MAPK4: variants seen among roughly 807,000 people sequenced by gnomAD.
MAPK4 encodes the protein mitogen-activated protein kinase 4.
Under a neutral mutation model 47.7 loss-of-function variants are expected in MAPK4, and 22 were observed. The ratio of observed to expected loss-of-function variants is 0.46; its 90% CI spans 0.33 to 0.66. The LOEUF (loss-of-function observed/expected upper bound fraction) is 0.66. MAPK4 is among the 30% of genes least tolerant of loss of function. The pLI is 0.02. For synonymous variants in MAPK4, 390 were observed against 365.7 expected, an observed-to-expected ratio of 1.07 and a Z score of -0.76; for missense variants, 736 against 831.7, an observed-to-expected ratio of 0.88 and a Z score of 1.42.
At chr18:50,669,632 G>C (rs951136115) in intron 2 of MAPK4, 2 of 152,256 alleles carry the variant, frequency 1.3e-5, no homozygotes, top group African/African-American at 2.4e-5. Flanking sequence ...GGCATTTACA[G>C]TAAAGCTAGC....
intron 1 of MAPK4, among the ~76,000 whole-genome samples, chr18:50,612,113 A>G (rs1376089834): frequency 1.3e-5 from 2 of 152,178 alleles, no homozygotes; most frequent in Non-Finnish European, 2.9e-5. Flanking sequence ...TTCTGACCTT[A>G]GATTAGTTTT....
intron 1 of MAPK4, among the ~76,000 whole-genome samples, chr18:50,611,673 G>T (rs1367547230): frequency 2.6e-5 from 4 of 152,206 alleles, no homozygotes; most frequent in Non-Finnish European, 5.9e-5. Flanking sequence ...GTCATTTAAT[G>T]ACGTAGCGTT....
intron 1 of MAPK4, among the ~76,000 whole-genome samples, chr18:50,606,322 GT>G: frequency 6.7e-6 from 1 of 148,930 alleles, no homozygotes; most frequent in Middle Eastern, 3.4e-3. Context: ...AAGCAGAGGA[GT>G]TGGGATTTTG....
intron 1 of MAPK4, among the ~76,000 whole-genome samples, chr18:50,650,885 G>A (rs2043041337): frequency 6.6e-6 from 1 of 152,218 alleles, no homozygotes; most frequent in Admixed American, 6.5e-5. Flanking sequence ...GGCCATGCAC[G>A]GGCCTTTGCT....
At chr18:50,716,805 A>G (rs1158224375) in intron 3 of MAPK4, among the ~76,000 whole-genome samples, 3 of 149,096 alleles carry the variant, frequency 2.0e-5, no homozygotes, top group African/African-American at 7.5e-5. Context: ...GCTTCTCCTC[A>G]GGGGCACCGT....
chr18:50,593,733 T>C (rs1176452881), intron 1 of MAPK4, among the ~76,000 whole-genome samples: 1 of 152,166 alleles, frequency 6.6e-6, no homozygotes, highest in Non-Finnish European at 1.5e-5. Context: ...GATTCTAAAA[T>C]TTGTATGAAC....
chr18:50,700,792 G>A (rs1324797102), intron 2 of MAPK4, among the ~76,000 whole-genome samples: 1 of 152,148 alleles, frequency 6.6e-6, no homozygotes, highest in Non-Finnish European at 1.5e-5. Context: ...GGGAGTTGGG[G>A]GTGGGGGACA....
chr18:50,679,005 G>T (rs2144308173), intron 2 of MAPK4, among the ~76,000 whole-genome samples: 1 of 152,294 alleles, frequency 6.6e-6, no homozygotes, highest in East Asian at 1.9e-4. Context: ...TAAGCTCGAT[G>T]AAGCCATTGT....
chr18:50,646,471 G>A (rs1338220380), intron 1 of MAPK4, among the ~76,000 whole-genome samples: 3 of 152,156 alleles, frequency 2.0e-5, no homozygotes, highest in Admixed American at 6.5e-5. Context: ...CCCGAGTGAG[G>A]GATCCCACTG....
intron 2 of MAPK4, among the ~76,000 whole-genome samples, chr18:50,700,964 C>A (rs2144381565): frequency 6.6e-6 from 1 of 152,260 alleles, no homozygotes; most frequent in Middle Eastern, 3.4e-3. Context: ...AAACACCTTT[C>A]AAAACCACAC....
chr18:50,726,333 A>G (rs1911198581), intron 5 of MAPK4, among the ~76,000 whole-genome samples, 158 bp downstream of exon 5: 1 of 152,076 alleles, frequency 6.6e-6, no homozygotes, highest in Non-Finnish European at 1.5e-5. Context: ...GTGCCCAGAC[A>G]CTACCAGTAA....
At chr18:50,729,061 GGTGT>G (rs1327450362) in intron 5 of MAPK4, 93 bp from the exon 6 acceptor site, 1 of 1,060,330 alleles carries the variant, frequency 9.4e-7, no homozygotes, top group Non-Finnish European at 1.4e-6. Context: ...GTCGAAGGCA[GGTGT>G]GTGAGTGGCA....
At chr18:50,589,993 A>G (rs918609078) in intron 1 of MAPK4, among the ~76,000 whole-genome samples, 3 of 152,246 alleles carry the variant, frequency 2.0e-5, no homozygotes, top group Admixed American at 6.5e-5. Context: ...GCAACTCCAT[A>G]AGATAACACT....
intron 1 of MAPK4, among the ~76,000 whole-genome samples, chr18:50,566,673 A>G (rs1300126296): frequency 2.6e-5 from 4 of 152,288 alleles, no homozygotes; most frequent in Admixed American, 2.6e-4. Flanking sequence ...TACTGAAACT[A>G]TCACAGAAAA....
chr18:50,706,478 C>A (rs1366390803), intron 2 of MAPK4, among the ~76,000 whole-genome samples: 1 of 133,764 alleles, frequency 7.5e-6, no homozygotes, highest in Non-Finnish European at 1.6e-5. Context: ...TTTTTAAGTT[C>A]CCTAGGTGCT....
At chr18:50,600,115 T>A (rs1598812106) in intron 1 of MAPK4, among the ~76,000 whole-genome samples, 1 of 152,348 alleles carries the variant, frequency 6.6e-6, no homozygotes, top group East Asian at 1.9e-4. Context: ...ATTCTAATCA[T>A]TTCCCCGTAT....
intron 1 of MAPK4, among the ~76,000 whole-genome samples, chr18:50,566,789 T>G (rs2042202426): frequency 6.6e-6 from 1 of 152,148 alleles, no homozygotes; most frequent in South Asian, 2.1e-4. Context: ...AACATTTATT[T>G]GTCTATTTAA....
intron 1 of MAPK4, among the ~76,000 whole-genome samples, chr18:50,569,171 G>A (rs1568029951): frequency 1.3e-5 from 2 of 152,116 alleles, no homozygotes; most frequent in Admixed American, 6.5e-5. Context: ...AAAAATATAT[G>A]TAAGAATACC....
chr18:50,679,451 A>C (rs528877840), intron 2 of MAPK4, among the ~76,000 whole-genome samples: 1 of 152,020 alleles, frequency 6.6e-6, no homozygotes, highest in East Asian at 1.9e-4. Flanking sequence ...ACAATAATGC[A>C]CCCTAGGGAG....
Sources: allele counts gnomAD v4.1 joint callset (sites outside exome capture counted in the v4.1 genomes callset), GRCh38; gene constraint gnomAD v4.1.1; transcripts MANE v1.5; gene names NCBI Gene and HGNC (gene_info 2026-07-23, HGNC 2026-07-21).